RGS6: variants seen among roughly 807,000 people sequenced by gnomAD.
The protein encoded by RGS6 is regulator of G protein signaling 6, also known as regulator of G-protein signaling 6.
RGS6 carries 30 observed loss-of-function variants against 78.5 expected under a neutral mutation model. The ratio of observed to expected loss-of-function variants is 0.38; its 90% CI spans 0.29 to 0.52. The LOEUF (loss-of-function observed/expected upper bound fraction) is 0.52. Ranked by LOEUF, RGS6 falls within the 20% of genes least tolerant of loss-of-function variation. The pLI, the probability that RGS6 is intolerant of heterozygous loss-of-function variation, is 0.85. For synonymous variants in RGS6, 206 were observed against 206.0 expected (o/e 1.00, Z 0.00); for missense variants, 495 against 609.7 (o/e 0.81, Z 1.98).
chr14:72,009,988 A>G (rs569218700), intron 2 of RGS6, among the ~76,000 whole-genome samples: 5 of 152,350 alleles, frequency 3.3e-5, no homozygotes, highest in African/African-American at 9.6e-5. Flanking sequence ...AGAAGAATCA[A>G]TCGCAGTGGC....
the RGS6 span, among the ~76,000 whole-genome samples, chr14:71,871,964 G>T: frequency 6.8e-6 from 1 of 146,806 alleles, no homozygotes; most frequent in Non-Finnish European, 1.5e-5. Context: ...AGCTCAATGT[G>T]TATGGGGGTG....
intron 2 of RGS6, among the ~76,000 whole-genome samples, chr14:72,047,885 C>T (rs997901079): frequency 2.8e-5 from 4 of 144,214 alleles, no homozygotes; most frequent in Non-Finnish European, 4.5e-5. Flanking sequence ...GCCACTATGC[C>T]CAGCTAATTT....
At chr14:72,160,543 C>T (rs1237851786) in intron 2 of RGS6, among the ~76,000 whole-genome samples, 4 of 152,132 alleles carry the variant, frequency 2.6e-5, no homozygotes, top group African/African-American at 9.7e-5. Context: ...AAGTCCTAAC[C>T]CCCAGTATCT....
chr14:72,069,032 C>T (rs763801781), intron 2 of RGS6, among the ~76,000 whole-genome samples: 2 of 151,338 alleles, frequency 1.3e-5, no homozygotes, highest in Non-Finnish European at 3.0e-5. Context: ...AGTGCAGTGG[C>T]GCAATCTTGG....
intron 3 of RGS6, among the ~76,000 whole-genome samples, chr14:72,444,882 C>CCACCTGTTCAACCCTGGGGAG (rs1190162599): frequency 8.5e-5 from 13 of 152,176 alleles, no homozygotes; most frequent in South Asian, 2.1e-4. Context: ...TGTTCAAGAC[C>CCACCTGTTCAACCCTGGGGAG]ACGTCAGAAT....
intron 2 of RGS6, 36 bp from the exon 3 acceptor site, chr14:72,352,059 G>C: frequency 6.8e-7 from 1 of 1,462,022 alleles, no homozygotes; most frequent in Non-Finnish European, 9.5e-7. Context: ...TACATTATGG[G>C]AGAAAATAAC....
chr14:72,367,395 A>G (rs1395888350), intron 3 of RGS6, among the ~76,000 whole-genome samples: 1 of 152,198 alleles, frequency 6.6e-6, no homozygotes, highest in Admixed American at 6.5e-5. Flanking sequence ...ACAATCTGCA[A>G]TGATGGATGT....
intron 2 of RGS6, among the ~76,000 whole-genome samples, chr14:72,253,828 T>C (rs1235244744): frequency 6.6e-6 from 1 of 152,218 alleles, no homozygotes; most frequent in Non-Finnish European, 1.5e-5. Flanking sequence ...AACCTTATTG[T>C]TTAAAACCAC....
chr14:72,030,611 T>C (rs2090699182), intron 2 of RGS6, among the ~76,000 whole-genome samples: 1 of 143,192 alleles, frequency 7.0e-6, no homozygotes, highest in South Asian at 2.1e-4. Flanking sequence ...TGTAGGCTTT[T>C]TACTGCACCT....
chr14:72,021,003 A>T (rs570225720), intron 2 of RGS6, among the ~76,000 whole-genome samples: 1 of 152,348 alleles, frequency 6.6e-6, no homozygotes, highest in South Asian at 2.1e-4. Flanking sequence ...GAGCAAGCCC[A>T]GTTTGCTTCC....
intron 2 of RGS6, among the ~76,000 whole-genome samples, chr14:71,991,885 T>C (rs1157404106): frequency 2.0e-5 from 3 of 152,360 alleles, no homozygotes; most frequent in Non-Finnish European, 1.5e-5. Context: ...TCTGCTGTTA[T>C]AAGTGCAGAA....
intron 2 of RGS6, among the ~76,000 whole-genome samples, chr14:72,041,991 G>C (rs2092445022): frequency 6.6e-6 from 1 of 151,994 alleles, no homozygotes; most frequent in Non-Finnish European, 1.5e-5. Context: ...ATGTAAAATG[G>C]TGCTAGAATA....
At chr14:72,391,193 A>G (rs771970818) in intron 3 of RGS6, among the ~76,000 whole-genome samples, 7 of 152,224 alleles carry the variant, frequency 4.6e-5, no homozygotes, top group Admixed American at 3.9e-4. Context: ...TACAGACACT[A>G]ATTTATTCTG....
rs76265721 is a variant in RGS6, at chr14:72,427,320, G to A, written c.185-27208G>A. On this transcript the variant is annotated intron_variant, in intron 3 of 17. Transcript: ENST00000553525. ...AAGTTATAAATAAAACTTTATCATA[G>A]GTATGTATGTATAGAAAAAACATAG... is the stretch of plus-strand genomic sequence containing the variant. Among the ~76,000 whole-genome samples the A allele has an allele frequency of 2.8e-3, 424 of 152,200 alleles. 2 individuals carry two copies. The highest frequency in any genetic ancestry group is 9.9e-3 in the African/African-American group (410 of 41,522).
At chr14:71,890,735 G>A in the RGS6 span, among the ~76,000 whole-genome samples, 27 of 152,296 alleles carry the variant, frequency 1.8e-4, no homozygotes, top group East Asian at 3.3e-3. Context: ...CACATCGCAT[G>A]AGTCACAACA....
chr14:72,475,504 C>T lies in RGS6; in HGVS notation c.693+805C>T, dbSNP rs1041348963. Reference sequence around the variant, plus strand: ...CCAACACTTGGGAGGCCGAGGTGGGCGGATCACCTGAGGTCGGGAGTTCAA... The same window carrying T: ...CCAACACTTGGGAGGCCGAGGTGGGTGGATCACCTGAGGTCGGGAGTTCAA... On this transcript the variant is annotated intron_variant, in intron 10 of 17. Coordinates refer to ENST00000553525, the MANE Select transcript of RGS6 (RefSeq NM_001204424.2). Among the ~76,000 whole-genome samples the T allele has an allele frequency of 5.9e-5, 9 of 152,028 alleles. No homozygotes were observed. In the South Asian group the frequency reaches 6.2e-4, roughly 11 times the overall value.
intron 2 of RGS6, among the ~76,000 whole-genome samples, chr14:72,216,734 C>T (rs1211675305): frequency 1.3e-5 from 2 of 152,114 alleles, no homozygotes; most frequent in East Asian, 1.9e-4. Flanking sequence ...CAGCCTTGAA[C>T]GGCGCTGAGG....
Position 72,485,509 on chromosome 14 carries a change from A to G in RGS6, c.854+7180A>G, listed in dbSNP as rs193001203. On this transcript the variant is annotated intron_variant, in intron 12 of 17. Transcript: ENST00000553525. ...TGTGTGTCCCAAGCAGACTCTGTTC[A>G]TCTTGTAATCTGTACACTACCAGGA... Among the ~76,000 whole-genome samples, 315 of 152,240 alleles carry G rather than the reference A, an allele frequency of 2.1e-3. 1 individual carries two copies. Among genetic ancestry groups the G allele is most frequent in the South Asian group, 3.9e-3 (19 of 4,818 alleles).
intron 17 of RGS6, chr14:72,541,443 C>T (rs914002522): frequency 6.5e-7 from 1 of 1,534,038 alleles, no homozygotes; most frequent in African/African-American, 1.4e-5. Flanking sequence ...TCTTCCCTCT[C>T]TGTGGCCTTT....
Sources: allele counts gnomAD v4.1 joint callset (sites outside exome capture counted in the v4.1 genomes callset), GRCh38; gene constraint gnomAD v4.1.1; transcripts MANE v1.5; gene names NCBI Gene and HGNC (gene_info 2026-07-23, HGNC 2026-07-21).